FCHSD2: variants seen among roughly 807,000 people sequenced by gnomAD.
FCHSD2 encodes the protein FCH and double SH3 domains 2.
Under a neutral mutation model 108.1 loss-of-function variants are expected in FCHSD2, and 38 were observed. The observed-to-expected ratio is 0.35, with a 90% CI of 0.27 to 0.46. The LOEUF (loss-of-function observed/expected upper bound fraction) is 0.46. FCHSD2 is among the 20% of genes least tolerant of loss of function. FCHSD2 has a pLI of 1.00. For missense variants in FCHSD2, 751 were observed against 897.8 expected (o/e 0.84, Z 2.09); for synonymous variants, 279 against 314.7 (o/e 0.89, Z 1.20).
chr11:73,029,577 A>G (rs983405898), intron 3 of FCHSD2, among the ~76,000 whole-genome samples: 1 of 152,162 alleles, frequency 6.6e-6, no homozygotes, highest in African/African-American at 2.4e-5. Flanking sequence ...ATCTTGTGCT[A>G]TGATCACTGA....
intron 2 of FCHSD2, among the ~76,000 whole-genome samples, chr11:73,085,185 G>A (rs912235534): frequency 1.3e-5 from 2 of 152,100 alleles, no homozygotes; most frequent in Non-Finnish European, 2.9e-5. Flanking sequence ...ATTCAAGAGT[G>A]CTTCAAATGG....
intron 8 of FCHSD2, among the ~76,000 whole-genome samples, chr11:72,925,262 T>C (rs964268968): frequency 1.6e-4 from 25 of 152,194 alleles, no homozygotes; most frequent in African/African-American, 5.8e-4. Flanking sequence ...ATCAGGATCA[T>C]TTCTGATTAT....
chr11:73,001,198 T>G, intron 4 of FCHSD2, 64 bp from the exon 5 acceptor site: 1 of 1,453,644 alleles, frequency 6.9e-7, no homozygotes. Context: ...TGGCTAACCT[T>G]TTGCTCACAG....
At chr11:72,891,245 G>C (rs965319854) in intron 10 of FCHSD2, among the ~76,000 whole-genome samples, 1 of 152,176 alleles carries the variant, frequency 6.6e-6, no homozygotes, top group Non-Finnish European at 1.5e-5. Flanking sequence ...TAATTCTTTT[G>C]CAAGGTCTCA....
At chr11:73,115,552 C>T (rs1256281841) in intron 2 of FCHSD2, among the ~76,000 whole-genome samples, 2 of 152,168 alleles carry the variant, frequency 1.3e-5, no homozygotes, top group Admixed American at 6.5e-5. Context: ...AGGGTGCATG[C>T]ATCAAGGTTC....
chr11:72,920,918 G>C (rs1198889674), intron 9 of FCHSD2, among the ~76,000 whole-genome samples: 2 of 152,090 alleles, frequency 1.3e-5, no homozygotes, highest in Non-Finnish European at 2.9e-5. Context: ...ACACAGAATT[G>C]AGAGCTCTGG....
intron 8 of FCHSD2, among the ~76,000 whole-genome samples, chr11:72,957,166 A>G (rs900048845): frequency 2.1e-5 from 3 of 145,444 alleles, no homozygotes; most frequent in African/African-American, 7.6e-5. Flanking sequence ...TATATCTCCC[A>G]GTGCTATCCC....
intron 4 of FCHSD2, among the ~76,000 whole-genome samples, chr11:73,007,371 A>T (rs1201869480): frequency 6.6e-6 from 1 of 152,200 alleles, no homozygotes; most frequent in Non-Finnish European, 1.5e-5. Flanking sequence ...ATGTAATCCC[A>T]GCATTTTGGG....
chr11:72,959,243 TTTTTG>T (rs1169535509), intron 8 of FCHSD2, among the ~76,000 whole-genome samples: 1 of 133,928 alleles, frequency 7.5e-6, no homozygotes, highest in African/African-American at 3.1e-5. Context: ...TTTTTTTTTT[TTTTTG>T]AGACGGAGTC....
intron 3 of FCHSD2, among the ~76,000 whole-genome samples, chr11:73,075,193 T>C (rs1859521097): frequency 6.6e-6 from 1 of 152,168 alleles, no homozygotes; most frequent in East Asian, 1.9e-4. Context: ...CAACTCTCAT[T>C]CACTGCTCAC....
At chr11:72,841,786 G>C (rs1397537482) in intron 17 of FCHSD2, among the ~76,000 whole-genome samples, 1 of 152,124 alleles carries the variant, frequency 6.6e-6, no homozygotes, top group Non-Finnish European at 1.5e-5. Flanking sequence ...TCCTCTTACA[G>C]ATCTCATCAC....
chr11:73,093,986 G>A (rs994233436), intron 2 of FCHSD2, among the ~76,000 whole-genome samples: 2 of 152,070 alleles, frequency 1.3e-5, no homozygotes, highest in African/African-American at 4.8e-5. Context: ...CGAGTCAGGC[G>A]GACAACTTGA....
intron 3 of FCHSD2, among the ~76,000 whole-genome samples, chr11:73,057,279 A>G (rs144621421): frequency 6.6e-6 from 1 of 152,220 alleles, no homozygotes; most frequent in Non-Finnish European, 1.5e-5. Context: ...CACAGTACAC[A>G]GGTTCGAAGC....
At chr11:72,966,898 G>A (rs1054264342) in intron 8 of FCHSD2, among the ~76,000 whole-genome samples, 3 of 152,014 alleles carry the variant, frequency 2.0e-5, no homozygotes, top group African/African-American at 7.2e-5. Context: ...TGTGAACCCT[G>A]ATTATGAGTT....
chr11:72,923,808 G>A (rs936865365), intron 8 of FCHSD2, among the ~76,000 whole-genome samples: 1 of 152,034 alleles, frequency 6.6e-6, no homozygotes, highest in African/African-American at 2.4e-5. Context: ...ATGTAGTGGC[G>A]TCTGCCTGTA....
intron 3 of FCHSD2, among the ~76,000 whole-genome samples, chr11:73,041,468 T>C (rs569787141): frequency 2.0e-4 from 31 of 152,338 alleles, no homozygotes; most frequent in African/African-American, 7.2e-4. Context: ...GATTTTCATT[T>C]CCCTGATGAT....
intron 10 of FCHSD2, among the ~76,000 whole-genome samples, chr11:72,896,137 T>C (rs1384512712): frequency 6.6e-6 from 1 of 152,198 alleles, no homozygotes; most frequent in Non-Finnish European, 1.5e-5. Context: ...TTTTAATCTA[T>C]AGAAGGCAGA....
chr11:73,021,967 G>C (rs1858119990), intron 3 of FCHSD2, among the ~76,000 whole-genome samples: 1 of 151,850 alleles, frequency 6.6e-6, no homozygotes, highest in Non-Finnish European at 1.5e-5. Context: ...AGCTACTTTT[G>C]TGTATGGCAG....
chr11:72,933,061 T>C (rs912752579), intron 8 of FCHSD2, among the ~76,000 whole-genome samples: 8 of 152,136 alleles, frequency 5.3e-5, no homozygotes, highest in Non-Finnish European at 1.0e-4. Flanking sequence ...TTCCAAGACA[T>C]AAAATATATA....
Sources: gnomAD v4.1 joint callset for allele counts (sites outside exome capture counted in the v4.1 genomes callset) on GRCh38, gnomAD v4.1.1 for gene constraint, MANE v1.5 for transcripts, NCBI Gene and HGNC (gene_info 2026-07-23, HGNC 2026-07-21) for gene names.